AIM2: variants seen among roughly 807,000 people sequenced by gnomAD.
The protein encoded by AIM2 is interferon-inducible protein AIM2.
Under a neutral mutation model 27.7 loss-of-function variants are expected in AIM2, and 30 were observed. The ratio of observed to expected loss-of-function variants is 1.08; its 90% confidence interval spans 0.81 to 1.47. AIM2 has a LOEUF of 1.47. Among genes scored for constraint, AIM2 ranks in the 40% most tolerant of loss-of-function variants. AIM2 has a pLI of 0.00. For synonymous variants in AIM2, 141 were observed against 145.3 expected (o/e 0.97, Z 0.21); for missense variants, 358 against 411.3 (o/e 0.87, Z 1.12).
intron 1 of AIM2, among the ~76,000 whole-genome samples, chr1:159,114,608 G>C (rs558147360): frequency 3.3e-5 from 5 of 152,176 alleles, no homozygotes; most frequent in Non-Finnish European, 7.4e-5. Context: ...TACTCAGAAG[G>C]CTGAGGCACA....
chr1:159,110,969 G>T (rs142815854), intron 1 of AIM2, among the ~76,000 whole-genome samples: 2 of 152,116 alleles, frequency 1.3e-5, no homozygotes, highest in African/African-American at 4.8e-5. Context: ...TTATACTTAC[G>T]CTAATGTGCT....
intron 1 of AIM2, among the ~76,000 whole-genome samples, chr1:159,130,063 T>C (rs1647824827): frequency 6.6e-6 from 1 of 152,202 alleles, no homozygotes; most frequent in Non-Finnish European, 1.5e-5. Flanking sequence ...CGTCGGCCCT[T>C]ATCAGCAACA....
intron 1 of AIM2, among the ~76,000 whole-genome samples, chr1:159,098,835 G>A (rs1037260137): frequency 2.0e-5 from 3 of 152,176 alleles, no homozygotes; most frequent in Admixed American, 6.5e-5. Context: ...GAGCTTTAGC[G>A]GAGGAAGATA....
chr1:159,118,323 G>A (rs2852728), intron 1 of AIM2, among the ~76,000 whole-genome samples: 149,562 of 152,330 alleles, frequency 0.98, 73,472 homozygotes, highest in Middle Eastern at 1. Context: ...TTATAAAATT[G>A]TCACTTTCCT....
intron 1 of AIM2, among the ~76,000 whole-genome samples, chr1:159,098,256 T>C (rs1429641044): frequency 2.0e-5 from 3 of 152,114 alleles, no homozygotes; most frequent in African/African-American, 7.2e-5. Context: ...CTTCATATTG[T>C]CGGCACAAGC....
intron 1 of AIM2, among the ~76,000 whole-genome samples, chr1:159,105,169 C>T (rs1316949658): frequency 6.6e-6 from 1 of 152,250 alleles, no homozygotes; most frequent in Non-Finnish European, 1.5e-5. Flanking sequence ...CAGCCAGGCA[C>T]TCCAGCTGCT....
chr1:159,105,067 C>T (rs1204949960), intron 1 of AIM2, among the ~76,000 whole-genome samples: 1 of 152,196 alleles, frequency 6.6e-6, no homozygotes, highest in Non-Finnish European at 1.5e-5. Context: ...GCCTACACTA[C>T]CAGCCCAGAT....
At chr1:159,135,971 C>G (rs1182128985) in intron 1 of AIM2, among the ~76,000 whole-genome samples, 1 of 152,188 alleles carries the variant, frequency 6.6e-6, no homozygotes, top group African/African-American at 2.4e-5. Context: ...TCATCCCAGG[C>G]TTTAAAGCCC....
At chr1:159,082,312 AG>A (rs1351273373) in intron 1 of AIM2, among the ~76,000 whole-genome samples, 1 of 152,196 alleles carries the variant, frequency 6.6e-6, no homozygotes, top group Non-Finnish European at 1.5e-5. Context: ...TCCATGTCTC[AG>A]TTTGTTTGGG....
intron 3 of AIM2, 129 bp from the exon 4 acceptor site, chr1:159,066,458 GA>G: frequency 1.1e-6 from 1 of 935,056 alleles, no homozygotes; most frequent in Non-Finnish European, 1.6e-6. Context: ...AAGAGATACA[GA>G]GGGGATACGA....
intron 1 of AIM2, among the ~76,000 whole-genome samples, chr1:159,104,461 C>T (rs1657384013): frequency 6.6e-6 from 1 of 152,102 alleles, no homozygotes; most frequent in African/African-American, 2.4e-5. Context: ...AATATATAAA[C>T]CTTCATTTTC....
chr1:159,111,689 A>G (rs867845023), intron 1 of AIM2, among the ~76,000 whole-genome samples: 1 of 151,982 alleles, frequency 6.6e-6, no homozygotes, highest in South Asian at 2.1e-4. Flanking sequence ...TATAAAATAA[A>G]TAAGATGGGG....
At chr1:159,059,485 A>G (rs1334847028), downstream of AIM2, among the ~76,000 whole-genome samples, 1 of 152,190 alleles carries the variant, frequency 6.6e-6, no homozygotes. Flanking sequence ...ATGCCATACT[A>G]AGATGTCATA....
intron 1 of AIM2, chr1:159,081,808 G>A (rs547745347): frequency 1.3e-5 from 2 of 155,812 alleles, no homozygotes; most frequent in South Asian, 3.6e-4. Flanking sequence ...TTGCAGTGTG[G>A]CCCAGATGCT....
intron 1 of AIM2, among the ~76,000 whole-genome samples, chr1:159,111,627 C>T (rs1657573722): frequency 6.6e-6 from 1 of 151,652 alleles, no homozygotes; most frequent in African/African-American, 2.4e-5. Context: ...AAAGATTGGT[C>T]CTAGAAAAGA....
intron 1 of AIM2, among the ~76,000 whole-genome samples, chr1:159,130,129 C>G (rs1647828117): frequency 1.3e-5 from 2 of 152,280 alleles, no homozygotes; most frequent in South Asian, 4.1e-4. Flanking sequence ...TTGATTCTGG[C>G]CCCAGCCCTC....
upstream of AIM2, chr1:159,081,267 A>G (rs1656769241): frequency 5.0e-6 from 1 of 200,800 alleles, no homozygotes; most frequent in Admixed American, 6.0e-5. Flanking sequence ...ACCTTACAAG[A>G]TAGGACTAAC....
the AIM2 span, among the ~76,000 whole-genome samples, chr1:159,057,170 G>A: frequency 4.6e-5 from 7 of 152,134 alleles, no homozygotes; most frequent in South Asian, 4.1e-4. Context: ...GTGGTAAAGC[G>A]GCTTGTACCC....
chr1:159,062,956 C>T (rs1455116783), intron 5 of AIM2, among the ~76,000 whole-genome samples: 1 of 152,162 alleles, frequency 6.6e-6, no homozygotes, highest in African/African-American at 2.4e-5. Context: ...TCTTGGCCTC[C>T]ACTCTTACAG....
Sources: allele counts gnomAD v4.1 joint callset (sites outside exome capture counted in the v4.1 genomes callset), GRCh38; gene constraint gnomAD v4.1.1; transcripts MANE v1.5; gene names NCBI Gene and HGNC (gene_info 2026-07-23, HGNC 2026-07-21).